CHD1L: variants seen among roughly 807,000 people sequenced by gnomAD.
The protein encoded by CHD1L is chromodomain helicase DNA binding protein 1 like.
Under a neutral mutation model 115.9 loss-of-function variants are expected in CHD1L, and 118 were observed. That is an observed-to-expected ratio of 1.02 (90% CI 0.88 to 1.19). The LOEUF (loss-of-function observed/expected upper bound fraction) is 1.19. CHD1L is among the 50% of genes most tolerant of loss of function. The pLI is 0.00. For synonymous variants in CHD1L, 411 were observed against 387.1 expected, an observed-to-expected ratio of 1.06 and a Z score of -0.72; for missense variants, 1,179 against 1,065.3, an observed-to-expected ratio of 1.11 and a Z score of -1.49.
the CHD1L span, chr1:147,186,878 CAG>C: frequency 6.3e-7 from 1 of 1,589,288 alleles, no homozygotes; most frequent in East Asian, 2.2e-5. Flanking sequence ...CAATGAAAAA[CAG>C]GGCAGTGACA....
At chr1:147,220,888 C>T in the CHD1L span, among the ~76,000 whole-genome samples, 4 of 141,680 alleles carry the variant, frequency 2.8e-5, no homozygotes, top group African/African-American at 1.1e-4. Context: ...TATATTGTGG[C>T]ATATATTGAA....
At chr1:147,178,209 C>T in the CHD1L span, 1 of 1,613,142 alleles carries the variant, frequency 6.2e-7, no homozygotes, top group Non-Finnish European at 8.5e-7. Context: ...GACTCAGGGA[C>T]GACAACTTGG....
At chr1:147,186,513 AAG>A in the CHD1L span, 3 of 993,948 alleles carry the variant, frequency 3.0e-6, no homozygotes, top group Non-Finnish European at 3.6e-6. Flanking sequence ...CTATCAGAAG[AAG>A]AGTTACGTGG....
In CHD1L at chr1:147,291,509, T is replaced by A; in HGVS notation, c.2348T>A (p.Phe783Tyr). ...KDLSLGGVLL[F>Y]PVDDKESRNK... ...CTGAGTTTGGGAGGTGTCCTTTTAT[T>A]TCCTGTTGATGATAAAGAATCAAGA... is the stretch of plus-strand genomic sequence containing the variant. Residue 783 changes from phenylalanine to tyrosine, a missense_variant, in exon 20 of 23, where the codon TTT becomes TAT. Coordinates refer to ENST00000369258, the MANE Select transcript of CHD1L (RefSeq NM_004284.6). 2 of 1,614,014 alleles carry A rather than the reference T, an allele frequency of 1.2e-6. No homozygotes were observed. Among genetic ancestry groups the A allele is most frequent in the East Asian group, 4.5e-5 (2 of 44,884 alleles).
intron 14 of CHD1L, among the ~76,000 whole-genome samples, chr1:147,277,743 C>A (rs1679085082): frequency 6.6e-6 from 1 of 151,834 alleles, no homozygotes. Context: ...GCTGTAGATA[C>A]CCTTAAATGC....
chr1:147,292,135 G>T (rs1195425071), intron 20 of CHD1L, among the ~76,000 whole-genome samples: 1 of 152,104 alleles, frequency 6.6e-6, no homozygotes, highest in African/African-American at 2.4e-5. Flanking sequence ...ATTTCTATTT[G>T]TCTTTTTATC....
At position 147,293,731 on chromosome 1, in the gene CHD1L, T is replaced by G; in HGVS notation, c.2506+9T>G. 78 of 1,596,700 alleles carry G rather than the reference T, an allele frequency of 4.9e-5. No homozygotes were observed. The highest frequency in any genetic ancestry group is 5.8e-5 in the Non-Finnish European group (67 of 1,164,434). ...AGCAAAAAAGAAGAAAGGTAAGCTC[T>G]TCCACCTGTGCTCAAGAGTAGATGA... On this transcript the variant is annotated intron_variant, in intron 21 of 22. Transcript: ENST00000369258.
the CHD1L span, among the ~76,000 whole-genome samples, chr1:147,237,262 GA>G: frequency 6.6e-6 from 1 of 152,152 alleles, no homozygotes; most frequent in Non-Finnish European, 1.5e-5. Flanking sequence ...AATGGGGTGG[GA>G]GGTCTTACAG....
intron 19 of CHD1L, among the ~76,000 whole-genome samples, chr1:147,288,970 G>C (rs373252602): frequency 1.6e-4 from 24 of 152,264 alleles, no homozygotes; most frequent in African/African-American, 5.5e-4. Context: ...GAAGGACCTT[G>C]TCTGATAGAG....
chr1:147,251,925 TA>T (rs1668540936), intron 1 of CHD1L, among the ~76,000 whole-genome samples: 1 of 152,226 alleles, frequency 6.6e-6, no homozygotes, highest in African/African-American at 2.4e-5. Context: ...AAGATTTTTT[TA>T]AAGGTATAAG....
chr1:147,174,610 A>G, the CHD1L span: 1 of 152,244 alleles, frequency 6.6e-6, no homozygotes, highest in Non-Finnish European at 1.5e-5. Context: ...AGTTAATAAT[A>G]AAAGTCAGTT....
At chr1:147,224,583 C>T in the CHD1L span, among the ~76,000 whole-genome samples, 2 of 152,052 alleles carry the variant, frequency 1.3e-5, no homozygotes, top group African/African-American at 4.8e-5. Flanking sequence ...GATCTCGGCT[C>T]ACTGCAAGCT....
the CHD1L span, among the ~76,000 whole-genome samples, chr1:147,232,251 G>A: frequency 2.0e-5 from 3 of 152,186 alleles, no homozygotes; most frequent in Admixed American, 6.5e-5. Flanking sequence ...ACCTTAATAA[G>A]TCAATCCTGA....
chr1:147,236,267 C>T, the CHD1L span, among the ~76,000 whole-genome samples: 1 of 152,198 alleles, frequency 6.6e-6, no homozygotes, highest in Non-Finnish European at 1.5e-5. Flanking sequence ...CAGTGAGCTC[C>T]TAGGTCTGGG....
chr1:147,262,179 G>A (rs1672178839), intron 6 of CHD1L, among the ~76,000 whole-genome samples: 1 of 130,884 alleles, frequency 7.6e-6, no homozygotes, highest in African/African-American at 3.0e-5. Flanking sequence ...CTGGGCGACA[G>A]AGCGAGACTC....
At chr1:147,225,307 A>G in the CHD1L span, 1 of 584,848 alleles carries the variant, frequency 1.7e-6, no homozygotes, top group Admixed American at 3.5e-5. Flanking sequence ...GAAGCGCTCA[A>G]CAGATCCTTC....
At chr1:147,252,562 C>T in intron 1 of CHD1L, 61 bp from the exon 2 acceptor site, 1 of 1,285,188 alleles carries the variant, frequency 7.8e-7, no homozygotes, top group Non-Finnish European at 1.1e-6. Context: ...ACTCTTAGAA[C>T]ATTGCCTCTG....
intron 1 of CHD1L, chr1:147,243,137 GA>G (rs1665352928): frequency 4.2e-6 from 1 of 237,362 alleles, no homozygotes; most frequent in Admixed American, 5.7e-5. Context: ...GGCCTCCGCT[GA>G]AGAGTTGGAC....
In CHD1L at chr1:147,255,473, C is replaced by T. The variant is rs28706431; in HGVS notation, c.348-340C>T. On this transcript the variant is annotated intron_variant, in intron 3 of 22. Coordinates refer to ENST00000369258, the MANE Select transcript of CHD1L (RefSeq NM_004284.6). ...AACTCCCGACCTCATGTGATCTGCCCGCCTTAGCTTCCCAAAGTGCTGGGA... is the reference window on the plus strand; with the variant it reads ...AACTCCCGACCTCATGTGATCTGCCTGCCTTAGCTTCCCAAAGTGCTGGGA... 0.081 allele frequency among the ~76,000 whole-genome samples: 12,385 copies of T among 152,186 alleles called. 640 individuals carry two copies. Among genetic ancestry groups the T allele is most frequent in the East Asian group, 0.16 (816 of 5,172 alleles).
Sources: gnomAD v4.1 joint callset for allele counts (sites outside exome capture counted in the v4.1 genomes callset) on GRCh38, gnomAD v4.1.1 for gene constraint, MANE v1.5 for transcripts, NCBI Gene and HGNC (gene_info 2026-07-23, HGNC 2026-07-21) for gene names.